Variants in UTS2 observed in about 807,000 individuals in gnomAD.
The protein encoded by UTS2 is urotensin 2.
Under a neutral mutation model 12.6 loss-of-function variants are expected in UTS2, and 10 were observed. That is an observed-to-expected ratio of 0.80 (90% CI 0.49 to 1.35). UTS2 has a LOEUF of 1.35. Ranked by LOEUF, UTS2 falls within the 40% of genes most tolerant of loss-of-function variation. The pLI is 0.00. For synonymous variants in UTS2, 52 were observed against 50.0 expected, an observed-to-expected ratio of 1.04 and a Z score of -0.17; for missense variants, 142 against 143.2, an observed-to-expected ratio of 0.99 and a Z score of 0.04.
At chr1:7,872,924 G>A in the UTS2 span, among the ~76,000 whole-genome samples, 4 of 152,262 alleles carry the variant, frequency 2.6e-5, no homozygotes, top group South Asian at 4.2e-4. Context: ...AGGACAGGCC[G>A]ACTCCATTGT....
At chr1:7,896,900 G>A in the UTS2 span, among the ~76,000 whole-genome samples, 1 of 151,924 alleles carries the variant, frequency 6.6e-6, no homozygotes, top group Non-Finnish European at 1.5e-5. Flanking sequence ...GTTTCACCAT[G>A]TTGGCCAGGC....
the UTS2 span, among the ~76,000 whole-genome samples, chr1:7,887,172 C>T: frequency 2.7e-5 from 4 of 149,912 alleles, no homozygotes; most frequent in East Asian, 8.0e-4. Context: ...TGGACCATGA[C>T]AGTATCATGA....
the UTS2 span, among the ~76,000 whole-genome samples, chr1:7,897,912 G>T: frequency 5.1e-4 from 77 of 152,076 alleles, no homozygotes; most frequent in African/African-American, 1.8e-3. Flanking sequence ...TATATATGTC[G>T]CATCCTTCTT....
At chr1:7,883,793 T>G in the UTS2 span, among the ~76,000 whole-genome samples, 7 of 152,214 alleles carry the variant, frequency 4.6e-5, no homozygotes, top group South Asian at 1.5e-3. Flanking sequence ...AAAAAGATTA[T>G]GACTTGTCAA....
the UTS2 span, among the ~76,000 whole-genome samples, chr1:7,883,458 T>C: frequency 6.6e-6 from 1 of 152,132 alleles, no homozygotes; most frequent in African/African-American, 2.4e-5. Context: ...TTCCAGTGTT[T>C]GATAGCACAA....
the UTS2 span, among the ~76,000 whole-genome samples, chr1:7,912,837 C>T: frequency 6.6e-6 from 1 of 152,068 alleles, no homozygotes; most frequent in African/African-American, 2.4e-5. Context: ...CCAGCAGTCC[C>T]CTCTGCAGTA....
At chr1:7,874,639 A>G in the UTS2 span, among the ~76,000 whole-genome samples, 1 of 152,176 alleles carries the variant, frequency 6.6e-6, no homozygotes, top group African/African-American at 2.4e-5. Context: ...GCCTGGGACC[A>G]CTGCCACTGA....
the UTS2 span, among the ~76,000 whole-genome samples, chr1:7,863,284 T>C: frequency 2.0e-5 from 3 of 151,792 alleles, no homozygotes; most frequent in Non-Finnish European, 4.4e-5. Context: ...GCTAATTTTG[T>C]ATTTTTAGTA....
intron 2 of UTS2, 152 bp downstream of exon 2, chr1:7,850,660 A>C (rs1186931790): frequency 1.4e-6 from 1 of 695,956 alleles, no homozygotes; most frequent in African/African-American, 1.8e-5. Flanking sequence ...AGAAGGTTGC[A>C]CAGGCCGGGA....
chr1:7,852,459 C>T (rs1418690593), intron 1 of UTS2, among the ~76,000 whole-genome samples: 3 of 151,720 alleles, frequency 2.0e-5, no homozygotes, highest in East Asian at 1.9e-4. Context: ...ATTTTTGTTT[C>T]GTAGAACACA....
the UTS2 span, among the ~76,000 whole-genome samples, chr1:7,912,739 C>A: frequency 1.3e-5 from 2 of 152,080 alleles, no homozygotes; most frequent in Non-Finnish European, 2.9e-5. Flanking sequence ...TCCACTGGGG[C>A]CCCCACAGAG....
chr1:7,850,564 T>C (rs697695), intron 2 of UTS2, among the ~76,000 whole-genome samples: 4,127 of 152,216 alleles, frequency 0.027, 186 homozygotes, highest in African/African-American at 0.095. Flanking sequence ...CACCAAGCTC[T>C]ACCCCGCAAA....
upstream of UTS2, chr1:7,853,235 T>C (rs999167399): frequency 1.9e-6 from 3 of 1,593,330 alleles, no homozygotes; most frequent in African/African-American, 4.1e-5. Flanking sequence ...AACTGTCTTG[T>C]TGCCTAGTGT....
the UTS2 span, among the ~76,000 whole-genome samples, chr1:7,863,072 TGTATTGTATTG>T: frequency 7.0e-5 from 7 of 99,336 alleles, no homozygotes; most frequent in East Asian, 1.7e-3. Flanking sequence ...TGTATTGTAT[TGTATTGTATTG>T]TATTGTATTG....
the UTS2 span, among the ~76,000 whole-genome samples, chr1:7,899,917 T>C: frequency 6.6e-6 from 1 of 152,170 alleles, no homozygotes; most frequent in African/African-American, 2.4e-5. Context: ...AGGCTCACTG[T>C]GTGACTGTCA....
At chr1:7,860,881 A>C in the UTS2 span, among the ~76,000 whole-genome samples, 2 of 151,954 alleles carry the variant, frequency 1.3e-5, no homozygotes, top group Non-Finnish European at 2.9e-5. Flanking sequence ...TGTCTGACTA[A>C]AAATACAAAA....
chr1:7,870,596 A>G, the UTS2 span, among the ~76,000 whole-genome samples: 771 of 152,318 alleles, frequency 5.1e-3, 8 homozygotes, highest in African/African-American at 0.018. Flanking sequence ...TTTTCAGGTG[A>G]GAAAACTTTC....
chr1:7,889,795 A>G, the UTS2 span, among the ~76,000 whole-genome samples: 18 of 152,162 alleles, frequency 1.2e-4, no homozygotes, highest in East Asian at 2.5e-3. Context: ...GGCCGGGCGC[A>G]GTGGCTCACG....
chr1:7,912,690 C>T, the UTS2 span, among the ~76,000 whole-genome samples: 18 of 152,120 alleles, frequency 1.2e-4, no homozygotes, highest in South Asian at 4.2e-4. Context: ...TCCCAACTTC[C>T]GGTGATCCCT....
Sources: gnomAD v4.1 joint callset for allele counts (sites outside exome capture counted in the v4.1 genomes callset) on GRCh38, gnomAD v4.1.1 for gene constraint, MANE v1.5 for transcripts, NCBI Gene and HGNC (gene_info 2026-07-23, HGNC 2026-07-21) for gene names.